Variants in KCNIP4 observed in about 807,000 individuals in gnomAD.
KCNIP4 encodes the protein Kv channel-interacting protein 4.
KCNIP4 carries 12 observed loss-of-function variants against 34.0 expected under a neutral mutation model. The observed-to-expected ratio is 0.35, with a 90% CI of 0.23 to 0.57. KCNIP4 has a LOEUF of 0.57. Among genes scored for constraint, KCNIP4 ranks in the 20% least tolerant of loss-of-function variants. The probability of loss-of-function intolerance (pLI) is 0.83; values close to 1 mark genes in which losing one functional copy is unlikely to be tolerated. For synonymous variants in KCNIP4, 124 were observed against 102.2 expected (o/e 1.21, Z -1.29); for missense variants, 238 against 311.7 (o/e 0.76, Z 1.78).
intron 6 of KCNIP4, 115 bp from the exon 7 acceptor site, chr4:20,732,900 G>T (rs1464435023): frequency 3.1e-6 from 2 of 646,220 alleles, no homozygotes; most frequent in Non-Finnish European, 5.3e-6. Flanking sequence ...TTGTTTGTTG[G>T]ATTCTTTGTT....
intron 1 of KCNIP4, among the ~76,000 whole-genome samples, chr4:21,604,489 T>C (rs984073938): frequency 1.2e-4 from 18 of 152,168 alleles, no homozygotes; most frequent in African/African-American, 4.1e-4. Flanking sequence ...CAATATACAG[T>C]AATACCACCT....
At chr4:21,948,464 GA>G in intron 1 of KCNIP4, 106 bp downstream of exon 1, 1 of 1,242,964 alleles carries the variant, frequency 8.0e-7, no homozygotes, top group South Asian at 1.5e-5. Context: ...CTCATGCAGC[GA>G]AGGCAACAAG....
At chr4:21,078,778 T>C (rs905599891) in intron 1 of KCNIP4, among the ~76,000 whole-genome samples, 1 of 152,136 alleles carries the variant, frequency 6.6e-6, no homozygotes, top group Non-Finnish European at 1.5e-5. Flanking sequence ...TTATATGTTC[T>C]GCCAGGAAGA....
intron 1 of KCNIP4, among the ~76,000 whole-genome samples, chr4:21,804,586 T>A (rs1338147086): frequency 6.6e-6 from 1 of 152,194 alleles, no homozygotes; most frequent in African/African-American, 2.4e-5. Flanking sequence ...CTGCTTCATG[T>A]TTGGGGGATA....
intron 1 of KCNIP4, among the ~76,000 whole-genome samples, chr4:20,885,611 T>A (rs1358508475): frequency 6.6e-6 from 1 of 152,102 alleles, no homozygotes; most frequent in Non-Finnish European, 1.5e-5. Context: ...TAGCTCTGTA[T>A]GAATTAAGCT....
intron 1 of KCNIP4, among the ~76,000 whole-genome samples, chr4:21,503,669 TA>T (rs1169770244): frequency 6.6e-6 from 1 of 152,202 alleles, no homozygotes; most frequent in African/African-American, 2.4e-5. Flanking sequence ...TGCTACTTTT[TA>T]AATCTTTTAT....
chr4:21,509,578 C>T (rs933581643), intron 1 of KCNIP4, among the ~76,000 whole-genome samples: 2 of 152,072 alleles, frequency 1.3e-5, no homozygotes, highest in Admixed American at 6.6e-5. Context: ...CATTAATATA[C>T]CCATTATAGA....
intron 1 of KCNIP4, among the ~76,000 whole-genome samples, chr4:21,683,635 A>C (rs1410025559): frequency 3.3e-5 from 5 of 151,486 alleles, no homozygotes; most frequent in Non-Finnish European, 7.4e-5. Flanking sequence ...CGCCTGGCTA[A>C]TTTTTTGTAT....
intron 1 of KCNIP4, among the ~76,000 whole-genome samples, chr4:21,384,509 G>C (rs2109488732): frequency 1.3e-5 from 2 of 152,278 alleles, no homozygotes; most frequent in South Asian, 4.1e-4. Flanking sequence ...CTAGAAAGTA[G>C]AGACAAATGT....
At chr4:20,914,371 A>C (rs529698339) in intron 1 of KCNIP4, among the ~76,000 whole-genome samples, 91 of 152,178 alleles carry the variant, frequency 6.0e-4, no homozygotes, top group Middle Eastern at 6.8e-3. Context: ...AGTCCTCATA[A>C]ATGCAATGAG....
intron 1 of KCNIP4, among the ~76,000 whole-genome samples, chr4:20,951,909 G>A (rs1042136774): frequency 6.6e-6 from 1 of 152,152 alleles, no homozygotes; most frequent in Admixed American, 6.6e-5. Flanking sequence ...TCTTGTTTTA[G>A]ATATAAAGTA....
rs901729791 is a variant in KCNIP4, at chr4:21,257,722, C to A, written c.62-375013G>T. Among the ~76,000 whole-genome samples the A allele has an allele frequency of 3.3e-5, 5 of 150,454 alleles. 1 individual carries two copies. Among genetic ancestry groups the A allele is most frequent in the African/African-American group, 9.8e-5 (4 of 40,966 alleles). Reference sequence around the variant, plus strand: ...CCGAGATCATGCCATTGTACTCTAGCCTGGGTGACACAGCAAGACTCAGTC... The same window carrying A: ...CCGAGATCATGCCATTGTACTCTAGACTGGGTGACACAGCAAGACTCAGTC... On this transcript the variant is annotated intron_variant, in intron 1 of 8. Coordinates refer to ENST00000382152, the MANE Select transcript of KCNIP4 (RefSeq NM_025221.6).
At chr4:21,710,289 C>A (rs566898039) in intron 1 of KCNIP4, among the ~76,000 whole-genome samples, 1 of 152,062 alleles carries the variant, frequency 6.6e-6, no homozygotes, top group African/African-American at 2.4e-5. Context: ...TGAGGACGAC[C>A]ACACTCACAC....
rs187594602 is a variant in KCNIP4, at chr4:21,519,102, T to C, written c.61+429469A>G. 4.3e-3 allele frequency among the ~76,000 whole-genome samples: 648 copies of C among 152,184 alleles called. 5 individuals are homozygous for C. Among genetic ancestry groups the C allele is most frequent in the Non-Finnish European group, 6.3e-3 (428 of 68,010 alleles). The stretch of plus-strand genomic sequence containing the variant: ...TTTATGTCTCTCCACCAAATTCACA[T>C]GCTGAAATCCTAACCCCCAGTGTGA... On this transcript the variant is annotated intron_variant, in intron 1 of 8. Coordinates refer to ENST00000382152, the MANE Select transcript of KCNIP4 (RefSeq NM_025221.6).
intron 1 of KCNIP4, among the ~76,000 whole-genome samples, chr4:21,397,856 T>C (rs1289578719): frequency 6.6e-6 from 1 of 151,630 alleles, no homozygotes; most frequent in African/African-American, 2.4e-5. Context: ...GGATTGAAGA[T>C]GGGTGATGGA....
chr4:21,025,897 T>G (rs1740520768), intron 1 of KCNIP4, among the ~76,000 whole-genome samples: 1 of 152,126 alleles, frequency 6.6e-6, no homozygotes, highest in Admixed American at 6.5e-5. Context: ...TTAATAACTA[T>G]TTACTGAATT....
At chr4:21,860,280 T>C (rs1724995935) in intron 1 of KCNIP4, among the ~76,000 whole-genome samples, 1 of 152,076 alleles carries the variant, frequency 6.6e-6, no homozygotes, top group African/African-American at 2.4e-5. Context: ...ATTACAGGCA[T>C]GTGCCACCAC....
At chr4:21,134,214 C>G (rs556062308) in intron 1 of KCNIP4, among the ~76,000 whole-genome samples, 9 of 152,258 alleles carry the variant, frequency 5.9e-5, no homozygotes, top group Non-Finnish European at 8.8e-5. Flanking sequence ...AGACCAACCC[C>G]TCCTCTTCCT....
chr4:20,876,480 A>C (rs757835358), intron 2 of KCNIP4, among the ~76,000 whole-genome samples: 5 of 152,186 alleles, frequency 3.3e-5, no homozygotes, highest in Non-Finnish European at 5.9e-5. Flanking sequence ...AAGTAGCTAA[A>C]TCCCTTAATC....
Sources: allele counts gnomAD v4.1 joint callset (sites outside exome capture counted in the v4.1 genomes callset), GRCh38; gene constraint gnomAD v4.1.1; transcripts MANE v1.5; gene names NCBI Gene and HGNC (gene_info 2026-07-23, HGNC 2026-07-21).